NR3C2: variants seen among roughly 807,000 people sequenced by gnomAD.
The protein encoded by NR3C2 is mineralocorticoid receptor.
In NR3C2, 15 loss-of-function variants were observed where a neutral mutation model predicts 86.4. The observed-to-expected ratio is 0.17, with a 90% CI of 0.12 to 0.27. NR3C2 has a LOEUF of 0.27. NR3C2 is among the 10% of genes least tolerant of loss of function. The probability of loss-of-function intolerance (pLI) is 1.00; values close to 1 mark genes in which losing one functional copy is unlikely to be tolerated. For synonymous variants in NR3C2, 458 were observed against 450.5 expected, an observed-to-expected ratio of 1.02 and a Z score of -0.21; for missense variants, 960 against 1,195.6, an observed-to-expected ratio of 0.80 and a Z score of 2.91.
chr4:148,388,665 A>G (rs1456785263), intron 2 of NR3C2, among the ~76,000 whole-genome samples: 2 of 152,180 alleles, frequency 1.3e-5, no homozygotes, highest in African/African-American at 4.8e-5. Context: ...AACACTTATT[A>G]TTCAGAATTA....
chr4:148,166,725 T>G (rs767272392), intron 4 of NR3C2, among the ~76,000 whole-genome samples: 7 of 151,920 alleles, frequency 4.6e-5, no homozygotes, highest in Non-Finnish European at 1.0e-4. Flanking sequence ...AGGTTTTTTA[T>G]TTTTCATGAT....
At chr4:148,220,270 T>A (rs1017051236) in intron 3 of NR3C2, among the ~76,000 whole-genome samples, 1 of 152,070 alleles carries the variant, frequency 6.6e-6, no homozygotes, top group Non-Finnish European at 1.5e-5. Context: ...AATTTTTTTG[T>A]AGAGACGGGG....
At chr4:148,116,078 G>T (rs13104128) in intron 7 of NR3C2, among the ~76,000 whole-genome samples, 39,176 of 152,034 alleles carry the variant, frequency 0.26, 5,814 homozygotes, top group East Asian at 0.6. Context: ...TTATAAAACT[G>T]TACAAAGTAA....
intron 4 of NR3C2, among the ~76,000 whole-genome samples, chr4:148,175,202 C>T (rs1028394704): frequency 6.6e-6 from 1 of 152,088 alleles, no homozygotes; most frequent in African/African-American, 2.4e-5. Context: ...AACTAAAGGC[C>T]GGTTAAAAAA....
intron 6 of NR3C2, among the ~76,000 whole-genome samples, chr4:148,130,295 T>C (rs1393464882): frequency 1.3e-5 from 2 of 152,230 alleles, no homozygotes; most frequent in Non-Finnish European, 2.9e-5. Flanking sequence ...CAGCCGATTT[T>C]ATAAATGCCA....
At chr4:148,113,248 G>A (rs1011139494) in intron 8 of NR3C2, among the ~76,000 whole-genome samples, 1 of 152,116 alleles carries the variant, frequency 6.6e-6, no homozygotes, top group South Asian at 2.1e-4. Flanking sequence ...ATGAATATAA[G>A]ACTCAAAAGT....
chr4:148,220,452 G>A (rs1737776439), intron 3 of NR3C2, among the ~76,000 whole-genome samples: 1 of 152,146 alleles, frequency 6.6e-6, no homozygotes, highest in African/African-American at 2.4e-5. Flanking sequence ...GAACAACAGA[G>A]GGAGAGAAAC....
intron 3 of NR3C2, among the ~76,000 whole-genome samples, chr4:148,197,851 C>T (rs1736511750): frequency 6.6e-6 from 1 of 152,084 alleles, no homozygotes; most frequent in Non-Finnish European, 1.5e-5. Flanking sequence ...TAATGTGTGT[C>T]TCATTCCTTA....
At chr4:148,431,415 T>C (rs1219032579) in intron 2 of NR3C2, among the ~76,000 whole-genome samples, 1 of 152,176 alleles carries the variant, frequency 6.6e-6, no homozygotes, top group Non-Finnish European at 1.5e-5. Context: ...ACATTAGTGA[T>C]CAGCAAAATG....
intron 2 of NR3C2, among the ~76,000 whole-genome samples, chr4:148,340,408 TG>T (rs1403506137): frequency 6.6e-6 from 1 of 152,086 alleles, no homozygotes; most frequent in East Asian, 1.9e-4. Flanking sequence ...TAATAAACAG[TG>T]CTAGAAAAAC....
In NR3C2 at chr4:148,096,584, A is replaced by G. The variant is rs564235310; in HGVS notation, c.2800-15085T>C. On this transcript the variant is annotated intron_variant, in intron 8 of 8. Transcript: ENST00000358102. ...AGGACTGTTCTCTTCTCTTGATTCT[A>G]TGATGCCACAAAAAGCAAACGGTCT... 3.3e-5 allele frequency among the ~76,000 whole-genome samples: 5 copies of G among 152,312 alleles called. No individual in the cohort carries two copies. The East Asian group carries it at 5.8e-4, about 18-fold the overall frequency.
At chr4:148,184,817 T>C (rs1039086521) in intron 4 of NR3C2, among the ~76,000 whole-genome samples, 1 of 152,174 alleles carries the variant, frequency 6.6e-6, no homozygotes, top group Non-Finnish European at 1.5e-5. Flanking sequence ...GGGCCACATC[T>C]GCAATGATTC....
chr4:148,266,575 T>C (rs912280240), intron 2 of NR3C2, among the ~76,000 whole-genome samples: 2 of 152,082 alleles, frequency 1.3e-5, no homozygotes, highest in African/African-American at 2.4e-5. Context: ...TCCAAGAAGA[T>C]GGTGGGGCTG....
chr4:148,195,401 T>G (rs910560440), intron 3 of NR3C2, among the ~76,000 whole-genome samples: 5 of 152,196 alleles, frequency 3.3e-5, no homozygotes, highest in African/African-American at 1.2e-4. Context: ...TGGCAAAATA[T>G]GAAATTGTAG....
intron 6 of NR3C2, among the ~76,000 whole-genome samples, chr4:148,131,301 G>A (rs1306323798): frequency 6.6e-6 from 1 of 152,130 alleles, no homozygotes; most frequent in Non-Finnish European, 1.5e-5. Context: ...TGAAAGACCA[G>A]ACCTTGTATC....
chr4:148,392,800 C>T (rs61756931), intron 2 of NR3C2, among the ~76,000 whole-genome samples: 27 of 152,170 alleles, frequency 1.8e-4, no homozygotes, highest in Non-Finnish European at 3.2e-4. Context: ...TGCGAAAATA[C>T]ATGCATGTTT....
intron 2 of NR3C2, among the ~76,000 whole-genome samples, chr4:148,272,362 G>A (rs1740729532): frequency 6.6e-6 from 1 of 152,142 alleles, no homozygotes. Context: ...TGTAACATCT[G>A]TTTCTTACAA....
At chr4:148,129,994 A>G (rs1732942842) in intron 6 of NR3C2, among the ~76,000 whole-genome samples, 1 of 152,178 alleles carries the variant, frequency 6.6e-6, no homozygotes, top group Admixed American at 6.5e-5. Flanking sequence ...AATATACAAA[A>G]TGTCTGTCTT....
chr4:148,173,854 G>A (rs1220737708), intron 4 of NR3C2, among the ~76,000 whole-genome samples: 4 of 152,294 alleles, frequency 2.6e-5, no homozygotes, highest in African/African-American at 7.2e-5. Flanking sequence ...GCGAAGGAGC[G>A]TGGGCGGGAG....
Sources: allele counts gnomAD v4.1 joint callset (sites outside exome capture counted in the v4.1 genomes callset), GRCh38; gene constraint gnomAD v4.1.1; transcripts MANE v1.5; gene names NCBI Gene and HGNC (gene_info 2026-07-23, HGNC 2026-07-21).